POU2AF3: variants seen among roughly 807,000 people sequenced by gnomAD.
POU2AF3 encodes cancer susceptibility candidate 13.
At chr11:111,298,566 G>T in the POU2AF3 span, 1 of 1,246,526 alleles carries the variant, frequency 8.0e-7, no homozygotes. Context: ...CACCGACCCA[G>T]CTCCTGCTGA....
chr11:111,298,826 G>GGGGGGGCGC, the POU2AF3 span: 6 of 790,962 alleles, frequency 7.6e-6, no homozygotes, highest in Middle Eastern at 4.3e-4. Context: ...CGTACCCCAG[G>GGGGGGGCGC]CCCCCGCCCG....
At chr11:111,304,228 G>A in the POU2AF3 span, among the ~76,000 whole-genome samples, 2 of 151,958 alleles carry the variant, frequency 1.3e-5, no homozygotes, top group South Asian at 4.1e-4. Flanking sequence ...GTGTTCTTTG[G>A]GGAAACGACT....
At chr11:111,299,110 C>T in the POU2AF3 span, 16 of 966,308 alleles carry the variant, frequency 1.7e-5, no homozygotes, top group African/African-American at 1.8e-5. Flanking sequence ...GGGCGGGGCA[C>T]GGGATTCCCT....
At chr11:111,298,839 C>CCCCCCCCCAA in the POU2AF3 span, 1 of 1,153,864 alleles carries the variant, frequency 8.7e-7, no homozygotes. Context: ...CCCGCCCGCC[C>CCCCCCCCCAA]TCCCACGTAT....
At chr11:111,305,591 T>A in the POU2AF3 span, among the ~76,000 whole-genome samples, 1 of 152,236 alleles carries the variant, frequency 6.6e-6, no homozygotes, top group East Asian at 1.9e-4. Context: ...TTAAAGGAAC[T>A]TGAGACCTCA....
At chr11:111,307,062 G>A in the POU2AF3 span, among the ~76,000 whole-genome samples, 6 of 152,246 alleles carry the variant, frequency 3.9e-5, no homozygotes, top group Non-Finnish European at 8.8e-5. Context: ...TTCATTAGGG[G>A]GAGGTTTTGC....
At chr11:111,308,206 C>G in the POU2AF3 span, 6 of 1,551,820 alleles carry the variant, frequency 3.9e-6, no homozygotes, top group East Asian at 2.4e-5. Context: ...GTGGCTACCC[C>G]CCAGAAGACC....
At chr11:111,307,148 G>C in the POU2AF3 span, among the ~76,000 whole-genome samples, 1 of 151,682 alleles carries the variant, frequency 6.6e-6, no homozygotes. Context: ...ATTTGGGTCT[G>C]AGATGGTTAG....
chr11:111,298,826 G>GCGGGGGCC, the POU2AF3 span: 38 of 790,958 alleles, frequency 4.8e-5, no homozygotes, highest in Non-Finnish European at 6.1e-5. Flanking sequence ...CGTACCCCAG[G>GCGGGGGCC]CCCCCGCCCG....
At chr11:111,304,852 C>T in the POU2AF3 span, 9 of 780,592 alleles carry the variant, frequency 1.2e-5, no homozygotes, top group East Asian at 6.7e-5. Context: ...AAACATAGTC[C>T]TCATCAAAAT....
At chr11:111,307,921 T>A in the POU2AF3 span, 1 of 624,200 alleles carries the variant, frequency 1.6e-6, no homozygotes, top group Non-Finnish European at 2.6e-6. Flanking sequence ...ATAAAATTAC[T>A]TCTGCAGACT....
chr11:111,303,667 A>G, the POU2AF3 span, among the ~76,000 whole-genome samples: 1 of 152,220 alleles, frequency 6.6e-6, no homozygotes, highest in Non-Finnish European at 1.5e-5. Context: ...AAGAGCTGGT[A>G]AAGGATTCCA....
At chr11:111,300,416 C>G in the POU2AF3 span, 1 of 395,278 alleles carries the variant, frequency 2.5e-6, no homozygotes, top group Non-Finnish European at 4.4e-6. Context: ...TGTGTGTTCT[C>G]CGAACTTAGA....
chr11:111,299,153 C>A, the POU2AF3 span: 1 of 945,254 alleles, frequency 1.1e-6, no homozygotes, highest in South Asian at 4.9e-5. Context: ...AATCTCCTTT[C>A]CTGGGGAGAC....
the POU2AF3 span, among the ~76,000 whole-genome samples, chr11:111,304,516 A>C: frequency 1.3e-5 from 2 of 152,218 alleles, no homozygotes; most frequent in Non-Finnish European, 1.5e-5. Context: ...TAAATATTGG[A>C]TCTAGATAAA....
At chr11:111,300,373 G>A in the POU2AF3 span, 1 of 366,742 alleles carries the variant, frequency 2.7e-6, no homozygotes, top group Admixed American at 4.6e-5. Context: ...AGTTTGAAAT[G>A]TTTGGGTTTT....
chr11:111,298,834 C>T, the POU2AF3 span: 12 of 660,194 alleles, frequency 1.8e-5, no homozygotes, highest in Non-Finnish European at 2.3e-5. Flanking sequence ...AGGCCCCCGC[C>T]CGCCCTCCCA....
the POU2AF3 span, chr11:111,308,027 T>C: frequency 6.9e-7 from 1 of 1,458,784 alleles, no homozygotes; most frequent in African/African-American, 1.4e-5. Flanking sequence ...TGATCCTGTC[T>C]AAGTTATTAA....
chr11:111,306,305 CAT>C, the POU2AF3 span: 4 of 669,608 alleles, frequency 6.0e-6, no homozygotes, highest in Middle Eastern at 4.0e-4. Context: ...TCCCCCTAGA[CAT>C]AGTAAATATT....
Sources: gnomAD v4.1 joint callset for allele counts (sites outside exome capture counted in the v4.1 genomes callset) on GRCh38, gnomAD v4.1.1 for gene constraint, MANE v1.5 for transcripts, NCBI Gene and HGNC (gene_info 2026-07-23, HGNC 2026-07-21) for gene names.